Variants in COL11A1 observed in about 807,000 individuals in gnomAD.
COL11A1 encodes collagen type XI alpha 1 chain, also known as collagen alpha-1(XI) chain.
COL11A1 carries 74 observed loss-of-function variants against 265.2 expected under a neutral mutation model. That is an observed-to-expected ratio of 0.28 (90% CI 0.23 to 0.34). The LOEUF is 0.34. Among genes scored for constraint, COL11A1 ranks in the 10% least tolerant of loss-of-function variants. The pLI is 1.00. For missense variants in COL11A1, 2,165 were observed against 2,263.6 expected (o/e 0.96, Z 0.88); for synonymous variants, 816 against 727.6 (o/e 1.12, Z -1.96).
intron 35 of COL11A1, among the ~76,000 whole-genome samples, chr1:102,976,247 A>G (rs1199538205): frequency 1.3e-5 from 2 of 151,054 alleles, no homozygotes; most frequent in Non-Finnish European, 3.0e-5. Flanking sequence ...TAAAATAAAA[A>G]TGAAAAATTG....
chr1:103,026,734 T>C (rs1260192162), intron 5 of COL11A1, among the ~76,000 whole-genome samples: 1 of 152,066 alleles, frequency 6.6e-6, no homozygotes, highest in Non-Finnish European at 1.5e-5. Context: ...TCAATGGGAA[T>C]TTTAAATTAA....
intron 42 of COL11A1, among the ~76,000 whole-genome samples, chr1:102,942,891 C>T (rs751434954): frequency 3.9e-5 from 6 of 152,054 alleles, no homozygotes; most frequent in Non-Finnish European, 8.8e-5. Flanking sequence ...CTAGTCCTCA[C>T]AAAATACTGT....
intron 36 of COL11A1, among the ~76,000 whole-genome samples, chr1:102,973,532 T>C (rs1376492635): frequency 6.6e-6 from 1 of 152,148 alleles, no homozygotes; most frequent in Admixed American, 6.5e-5. Flanking sequence ...AATAATCTAA[T>C]ATACAGCTTA....
chr1:103,014,632 T>C (rs747935075), intron 12 of COL11A1, 38 bp from the exon 13 acceptor site: 1 of 1,540,158 alleles, frequency 6.5e-7, no homozygotes, highest in South Asian at 1.1e-5. Context: ...AAAATTAGCT[T>C]TGTCAAACAT....
chr1:102,929,526 A>G (rs954810842), intron 46 of COL11A1, among the ~76,000 whole-genome samples: 11 of 152,126 alleles, frequency 7.2e-5, no homozygotes, highest in African/African-American at 2.7e-4. Context: ...CAGGTAGTGT[A>G]ATGCCTCCAG....
At chr1:103,010,030 A>T (rs1433479040) in intron 14 of COL11A1, among the ~76,000 whole-genome samples, 43 of 152,168 alleles carry the variant, frequency 2.8e-4, no homozygotes, top group Non-Finnish European at 1.5e-5. Context: ...AACAGATTAT[A>T]ATTCTTTTGC....
chr1:103,019,081 G>A (rs1300516344), intron 9 of COL11A1, among the ~76,000 whole-genome samples: 1 of 152,098 alleles, frequency 6.6e-6, no homozygotes, highest in Non-Finnish European at 1.5e-5. Flanking sequence ...TAAGTGGAGT[G>A]GAAATGAATA....
At chr1:103,087,400 T>C (rs1672965520) in intron 1 of COL11A1, among the ~76,000 whole-genome samples, 1 of 152,208 alleles carries the variant, frequency 6.6e-6, no homozygotes, top group Non-Finnish European at 1.5e-5. Context: ...CTTCCAAAAA[T>C]CCATGTCTCA....
chr1:102,939,254 T>C (rs1187278323), intron 43 of COL11A1, among the ~76,000 whole-genome samples, 166 bp from the exon 44 acceptor site: 1 of 152,222 alleles, frequency 6.6e-6, no homozygotes, highest in East Asian at 1.9e-4. Flanking sequence ...AGCTTTCTAA[T>C]ATTGACTAAT....
chr1:102,882,492 T>TAA (rs1650387132), intron 64 of COL11A1, among the ~76,000 whole-genome samples: 1 of 152,166 alleles, frequency 6.6e-6, no homozygotes, highest in Non-Finnish European at 1.5e-5. Flanking sequence ...CTCAGAAACT[T>TAA]AACTTTTCTC....
intron 7 of COL11A1, among the ~76,000 whole-genome samples, chr1:103,024,801 A>G (rs1223580830): frequency 6.6e-6 from 1 of 152,172 alleles, no homozygotes; most frequent in East Asian, 1.9e-4. Context: ...ATTTTCTTAA[A>G]ACTAAATTAC....
intron 12 of COL11A1, among the ~76,000 whole-genome samples, chr1:103,015,231 A>G (rs1283142656): frequency 2.0e-5 from 3 of 152,024 alleles, no homozygotes; most frequent in Non-Finnish European, 2.9e-5. Context: ...CCAAAACACC[A>G]GGGCAACAAA....
chr1:103,073,934 A>G (rs1396807467), intron 4 of COL11A1, among the ~76,000 whole-genome samples: 2 of 152,140 alleles, frequency 1.3e-5, no homozygotes, highest in African/African-American at 4.8e-5. Context: ...AACGACTCAA[A>G]TTGTTTAAAA....
At chr1:102,976,339 C>T (rs1275293357) in intron 35 of COL11A1, among the ~76,000 whole-genome samples, 2 of 97,744 alleles carry the variant, frequency 2.0e-5, no homozygotes, top group Non-Finnish European at 4.0e-5. Flanking sequence ...TGCTCTGTTG[C>T]CCAGGCTGGA....
chr1:102,960,609 G>A (rs1660807740), intron 41 of COL11A1, among the ~76,000 whole-genome samples: 1 of 151,936 alleles, frequency 6.6e-6, no homozygotes, highest in African/African-American at 2.4e-5. Flanking sequence ...AGTAGAGAAA[G>A]AAAAACTGGA....
chr1:103,021,564 AACTT>A (rs1357534455), intron 9 of COL11A1, 139 bp downstream of exon 9: 8 of 666,954 alleles, frequency 1.2e-5, no homozygotes, highest in Admixed American at 2.3e-5. Context: ...AGACCTTATT[AACTT>A]ACTTATTTGT....
At chr1:102,962,074 T>C in intron 40 of COL11A1, 102 bp downstream of exon 40, 1 of 1,069,254 alleles carries the variant, frequency 9.4e-7, no homozygotes, top group Non-Finnish European at 1.4e-6. Flanking sequence ...ATATATATGT[T>C]TATATATCTT....
intron 3 of COL11A1, 145 bp from the exon 4 acceptor site, chr1:103,074,925 G>C (rs1464015659): frequency 1.1e-6 from 1 of 927,010 alleles, no homozygotes; most frequent in Non-Finnish European, 1.7e-6. Context: ...TAAGCAGCCA[G>C]TTAACAGATG....
At chr1:103,057,295 T>C (rs890461790) in intron 4 of COL11A1, among the ~76,000 whole-genome samples, 2 of 152,294 alleles carry the variant, frequency 1.3e-5, no homozygotes, top group East Asian at 1.9e-4. Context: ...AAGCAACTCA[T>C]CTGTTCAAGT....
Sources: allele counts gnomAD v4.1 joint callset (sites outside exome capture counted in the v4.1 genomes callset), GRCh38; gene constraint gnomAD v4.1.1; transcripts MANE v1.5; gene names NCBI Gene and HGNC (gene_info 2026-07-23, HGNC 2026-07-21).